Variants in ASXL3 observed in about 807,000 individuals in gnomAD.
ASXL3 encodes putative Polycomb group protein ASXL3.
Under a neutral mutation model 170.6 loss-of-function variants are expected in ASXL3, and 34 were observed. The ratio of observed to expected loss-of-function variants is 0.20; its 90% CI spans 0.15 to 0.27. ASXL3 has a LOEUF of 0.27. Ranked by LOEUF, ASXL3 falls within the 10% of genes least tolerant of loss-of-function variation. The pLI, the probability that ASXL3 is intolerant of heterozygous loss-of-function variation, is 1.00. For synonymous variants in ASXL3, 1,002 were observed against 989.1 expected (o/e 1.01, Z -0.24); for missense variants, 2,592 against 2,695.3 (o/e 0.96, Z 0.85).
chr18:33,697,967 C>T (rs1489331652), intron 8 of ASXL3, among the ~76,000 whole-genome samples: 1 of 152,120 alleles, frequency 6.6e-6, no homozygotes, highest in Non-Finnish European at 1.5e-5. Context: ...GACTCAGCTT[C>T]AGTGTATTGC....
At chr18:33,668,664 A>G (rs7244798) in intron 5 of ASXL3, among the ~76,000 whole-genome samples, 91,627 of 151,760 alleles carry the variant, frequency 0.6, 28,544 homozygotes, top group East Asian at 0.89. Flanking sequence ...AAAAATTGCT[A>G]TGGGTTTTTA....
rs1410548215 is a variant in ASXL3 at position 33,744,354 on chromosome 18, C to T, written c.4506C>T (p.Gly1502=). The change falls in exon 12 of 12, where the codon GGC becomes GGT. Residue 1502 remains glycine, a synonymous_variant. Coordinates refer to ENST00000269197, the MANE Select transcript of ASXL3 (RefSeq NM_030632.3). ...ESSEASLDLQ[G]RPVRTEASVQ... ...CAGAAGCCAGCTTGGACCTGCAGGG[C>T]AGACCAGTGAGGACAGAGGCATCCG... 2 of 1,613,842 alleles carry T rather than the reference C, an allele frequency of 1.2e-6. No individual in the cohort carries two copies. The highest frequency in any genetic ancestry group is 2.7e-5 in the African/African-American group (2 of 74,920).
intron 8 of ASXL3, among the ~76,000 whole-genome samples, chr18:33,684,022 G>T (rs192392740): frequency 1.3e-5 from 2 of 152,094 alleles, no homozygotes; most frequent in African/African-American, 4.8e-5. Flanking sequence ...GTATGAATAT[G>T]ATTGCCTATA....
At chr18:33,626,992 G>A (rs1599413786) in intron 2 of ASXL3, 1 of 152,930 alleles carries the variant, frequency 6.5e-6, no homozygotes, top group South Asian at 2.1e-4. Flanking sequence ...TGTTGGTCAT[G>A]AGGTGATGCT....
chr18:33,605,424 C>G (rs534110380), intron 1 of ASXL3: 2 of 152,276 alleles, frequency 1.3e-5, no homozygotes, highest in Admixed American at 6.6e-5. Flanking sequence ...TCTCTGTTCT[C>G]TGTCTTGCAG....
intron 8 of ASXL3, among the ~76,000 whole-genome samples, chr18:33,686,014 A>G (rs2066591603): frequency 6.6e-6 from 1 of 152,230 alleles, no homozygotes; most frequent in Non-Finnish European, 1.5e-5. Context: ...GTAATGAAGA[A>G]ATAACGGATT....
chr18:33,721,271 T>G (rs2067254544), intron 8 of ASXL3, among the ~76,000 whole-genome samples: 1 of 152,088 alleles, frequency 6.6e-6, no homozygotes, highest in African/African-American at 2.4e-5. Flanking sequence ...AGGATAGTTC[T>G]CGTTCTCTTG....
At chr18:33,686,401 A>G (rs898152943) in intron 8 of ASXL3, among the ~76,000 whole-genome samples, 9 of 152,236 alleles carry the variant, frequency 5.9e-5, no homozygotes, top group Non-Finnish European at 1.3e-4. Flanking sequence ...TTAGAATCAC[A>G]TAAATGTCAT....
intron 5 of ASXL3, among the ~76,000 whole-genome samples, chr18:33,667,352 A>G (rs958915219): frequency 5.9e-5 from 9 of 152,152 alleles, no homozygotes; most frequent in African/African-American, 1.9e-4. Flanking sequence ...AGACCTAGGC[A>G]TGGTCTGGGG....
chr18:33,697,450 G>A (rs2066790711), intron 8 of ASXL3, among the ~76,000 whole-genome samples: 1 of 152,084 alleles, frequency 6.6e-6, no homozygotes, highest in Non-Finnish European at 1.5e-5. Flanking sequence ...CTTCTGAGCT[G>A]GCACATGAGT....
intron 5 of ASXL3, among the ~76,000 whole-genome samples, chr18:33,666,806 G>T (rs2066263292): frequency 6.6e-6 from 1 of 152,136 alleles, no homozygotes; most frequent in Non-Finnish European, 1.5e-5. Context: ...CTCAAGATTT[G>T]GGGTGTGTGT....
chr18:33,663,600 T>C (rs1203510136), intron 5 of ASXL3, among the ~76,000 whole-genome samples: 1 of 152,156 alleles, frequency 6.6e-6, no homozygotes, highest in African/African-American at 2.4e-5. Flanking sequence ...CTTCTTAATG[T>C]CCTGAAAGAG....
At chr18:33,711,331 G>T (rs2067059400) in intron 8 of ASXL3, among the ~76,000 whole-genome samples, 1 of 151,938 alleles carries the variant, frequency 6.6e-6, no homozygotes, top group South Asian at 2.1e-4. Context: ...ATTTAATTTT[G>T]TATTTGATTT....
At chr18:33,641,642 G>A (rs1332894651) in intron 2 of ASXL3, among the ~76,000 whole-genome samples, 1 of 152,008 alleles carries the variant, frequency 6.6e-6, no homozygotes. Flanking sequence ...TTTCTTCCCA[G>A]CCTCCCCATA....
Position 33,744,047 on chromosome 18 carries a change from C to G in ASXL3, c.4199C>G (p.Ser1400Cys), listed in dbSNP as rs267605176. ...TVRAALSCSDSVAVTDSLVAH... is the reference protein window; with the variant it reads ...TVRAALSCSDCVAVTDSLVAH... ...AGAGCAGCCCTCAGCTGCAGTGATT[C>G]TGTAGCGGTCACAGACTCTCTGGTT... The change falls in exon 12 of 12, where the codon TCT (serine) becomes TGT (cysteine). Residue 1400 changes from serine to cysteine, a missense_variant. Ser to Cys is a moderately radical substitution (Grantham distance 112). This residue lies in a region of ASXL3 where 2,246 missense variants were observed against 2,219.6 expected (regional missense o/e 1.01). Coordinates refer to ENST00000269197, the MANE Select transcript of ASXL3 (RefSeq NM_030632.3). The G allele has an allele frequency of 6.8e-6, 11 of 1,614,034 alleles. No homozygotes were observed. The highest frequency in any genetic ancestry group is 8.5e-6 in the Non-Finnish European group (10 of 1,179,900).
chr18:33,650,501 A>G (rs2065980312), intron 4 of ASXL3, among the ~76,000 whole-genome samples: 2 of 152,118 alleles, frequency 1.3e-5, no homozygotes, highest in Admixed American at 1.3e-4. Context: ...GGGAGTTTTC[A>G]GAGAAAATAT....
chr18:33,689,631 C>T (rs966884998), intron 8 of ASXL3, among the ~76,000 whole-genome samples: 4 of 152,210 alleles, frequency 2.6e-5, no homozygotes, highest in East Asian at 1.9e-4. Context: ...GGGAGAAATA[C>T]AGTAAATGAT....
At chr18:33,682,560 A>G (rs1251019574) in intron 7 of ASXL3, among the ~76,000 whole-genome samples, 1 of 151,902 alleles carries the variant, frequency 6.6e-6, no homozygotes, top group Non-Finnish European at 1.5e-5. Context: ...TGTATTTTTT[A>G]TTTTTTGAGA....
At chr18:33,686,931 A>C (rs1352545114) in intron 8 of ASXL3, among the ~76,000 whole-genome samples, 1 of 152,236 alleles carries the variant, frequency 6.6e-6, no homozygotes, top group African/African-American at 2.4e-5. Flanking sequence ...GACAGCAGAA[A>C]GATAAGACAC....
Sources: gnomAD v4.1 joint callset for allele counts (sites outside exome capture counted in the v4.1 genomes callset) on GRCh38, gnomAD v4.1.1 for gene constraint, gnomAD v4.1.1 regional missense constraint, MANE v1.5 for transcripts, NCBI Gene and HGNC (gene_info 2026-07-23, HGNC 2026-07-21) for gene names.